MPRIP: variants seen among roughly 807,000 people sequenced by gnomAD.
The protein encoded by MPRIP is myosin phosphatase Rho-interacting protein.
In MPRIP, 59 loss-of-function variants were observed where a neutral mutation model predicts 234.9. The observed-to-expected ratio is 0.25, with a 90% CI of 0.20 to 0.31. The LOEUF is 0.31. Among genes scored for constraint, MPRIP ranks in the 10% least tolerant of loss-of-function variants. The pLI is 1.00. For missense variants in MPRIP, 2,436 were observed against 3,071.0 expected (o/e 0.79, Z 4.89); for synonymous variants, 1,144 against 1,263.9 (o/e 0.91, Z 2.01).
intron 16 of MPRIP, 136 bp from the exon 17 acceptor site, chr17:17,171,582 A>T: frequency 8.9e-7 from 1 of 1,128,056 alleles, no homozygotes; most frequent in Non-Finnish European, 1.3e-6. Context: ...CAGGGCGCCC[A>T]TGGTGGAGCA....
intron 3 of MPRIP, among the ~76,000 whole-genome samples, chr17:17,108,886 C>A (rs1011784957): frequency 6.6e-6 from 1 of 152,222 alleles, no homozygotes; most frequent in African/African-American, 2.4e-5. Flanking sequence ...ACTTGGAGAC[C>A]AGGCAAGCTG....
At position 17,165,964 on chromosome 17, in the gene MPRIP, T is replaced by C; in HGVS notation, c.4373T>C (p.Val1458Ala). The C allele has an allele frequency of 7.7e-7, 1 of 1,303,978 alleles. No individual in the cohort carries two copies. Among genetic ancestry groups the C allele is most frequent in the South Asian group, 1.2e-5 (1 of 80,990 alleles). The allele number at this position is 1,303,978 out of a possible 1,614,324, so 80.8% of individuals were successfully genotyped here. A position where few individuals can be genotyped will look rare whatever the true frequency, so the allele number is the denominator to read the frequency against. Reference sequence around the variant, plus strand: ...GAGAGGCAGGAGAGGGCCAGGAGGGTTGAAGGGCATGTTGGAGAGCTTGGG... The same window carrying C: ...GAGAGGCAGGAGAGGGCCAGGAGGGCTGAAGGGCATGTTGGAGAGCTTGGG... Reference protein sequence around the residue: ...EQERQERARRVEGHVGELGDF... With the variant: ...EQERQERARRAEGHVGELGDF... Residue 1458 changes from valine to alanine, a missense_variant, in exon 16 of 24, where the codon GTT becomes GCT. Around this residue, in one of 4 missense-constraint regions of MPRIP, gnomAD observed 1,998 missense variants for 2,520.3 expected, o/e 0.79. Coordinates refer to ENST00000651222, the MANE Select transcript of MPRIP (RefSeq NM_001364716.4).
At chr17:17,180,739 C>T in intron 23 of MPRIP, 1 of 1,446,616 alleles carries the variant, frequency 6.9e-7, no homozygotes, top group Non-Finnish European at 9.7e-7. Context: ...GTCATGGTTA[C>T]TTTATTTCAA....
intron 3 of MPRIP, among the ~76,000 whole-genome samples, chr17:17,079,149 C>T (rs958178801): frequency 3.3e-5 from 5 of 152,126 alleles, no homozygotes; most frequent in African/African-American, 1.2e-4. Context: ...TGTTTGTACT[C>T]GAGTCCTAAC....
chr17:17,104,521 T>A (rs1024176001), intron 3 of MPRIP, among the ~76,000 whole-genome samples: 17 of 152,152 alleles, frequency 1.1e-4, no homozygotes, highest in Non-Finnish European at 1.8e-4. Context: ...TCCCGACCAG[T>A]CCACGGCTGT....
chr17:17,083,414 G>A lies in MPRIP; in HGVS notation c.267+5338G>A, dbSNP rs78660394. On this transcript the variant is annotated intron_variant, in intron 3 of 23. Transcript: ENST00000651222. Reference sequence around the variant, plus strand: ...TTTTGAGTTTGCTTCCTATAGGAGAGTGTCCAGGAGGTTGCCTTGTTCTTG... The same window carrying A: ...TTTTGAGTTTGCTTCCTATAGGAGAATGTCCAGGAGGTTGCCTTGTTCTTG... Among the ~76,000 whole-genome samples, 906 of 152,268 alleles carry A rather than the reference G, an allele frequency of 6.0e-3. 11 individuals are homozygous for A. Among genetic ancestry groups the A allele is most frequent in the African/African-American group, 0.021 (857 of 41,544 alleles).
chr17:17,142,243 G>T, intron 7 of MPRIP: 1 of 181,810 alleles, frequency 5.5e-6, no homozygotes, highest in Non-Finnish European at 1.2e-5. Context: ...TTGGGGTGGG[G>T]GGTGCACTGT....
intron 1 of MPRIP, among the ~76,000 whole-genome samples, chr17:17,048,982 C>T (rs1347442830): frequency 6.6e-6 from 1 of 152,220 alleles, no homozygotes; most frequent in Non-Finnish European, 1.5e-5. Context: ...TGTATCCATA[C>T]CATGGAATAT....
chr17:17,177,773 G>A (rs113600177), intron 22 of MPRIP, among the ~76,000 whole-genome samples: 21 of 152,286 alleles, frequency 1.4e-4, no homozygotes, highest in African/African-American at 5.1e-4. Flanking sequence ...GCCATAGAGT[G>A]GAGAATGGGA....
intron 3 of MPRIP, among the ~76,000 whole-genome samples, chr17:17,081,861 G>A (rs1044893762): frequency 2.6e-5 from 4 of 152,160 alleles, no homozygotes; most frequent in African/African-American, 9.7e-5. Flanking sequence ...GTGTGGAGGA[G>A]AGGCAAATTT....
chr17:17,185,322 A>T lies in MPRIP; in HGVS notation c.*428A>T. On this transcript the variant is annotated 3_prime_UTR_variant, in exon 24 of 24. Transcript: ENST00000651222. Reference sequence around the variant, plus strand: ...ATCCCCACTGGTCAGAGAAAAAGCTATGCGGACACTCCAGCTTGGCCTGGG... The same window carrying T: ...ATCCCCACTGGTCAGAGAAAAAGCTTTGCGGACACTCCAGCTTGGCCTGGG... 1 of 358,540 alleles carries T rather than the reference A, an allele frequency of 2.8e-6. No homozygotes were observed. Among genetic ancestry groups the T allele is most frequent in the Non-Finnish European group, 5.5e-6 (1 of 182,152 alleles). The allele number at this position is 358,540 out of a possible 1,614,324, so 22.2% of individuals were successfully genotyped here.
chr17:17,147,445 C>G, intron 11 of MPRIP, 58 bp downstream of exon 11: 2 of 1,515,950 alleles, frequency 1.3e-6, no homozygotes, highest in Non-Finnish European at 1.8e-6. Flanking sequence ...CAGGCGGCAT[C>G]TGGGGCTAGT....
At chr17:17,107,827 C>T (rs111970266) in intron 3 of MPRIP, among the ~76,000 whole-genome samples, 18 of 152,322 alleles carry the variant, frequency 1.2e-4, no homozygotes, top group African/African-American at 4.3e-4. Context: ...TTTGGGCTTC[C>T]AGCTTGCATG....
chr17:17,049,916 C>T (rs2088479768), intron 1 of MPRIP, among the ~76,000 whole-genome samples: 1 of 152,230 alleles, frequency 6.6e-6, no homozygotes, highest in Admixed American at 6.5e-5. Context: ...GGGCCGGGTG[C>T]AGTGGCTCAC....
At chr17:17,172,455 CA>C (rs923997119) in intron 17 of MPRIP, among the ~76,000 whole-genome samples, 4 of 150,872 alleles carry the variant, frequency 2.7e-5, no homozygotes, top group Admixed American at 6.6e-5. Context: ...CTTCTAACAC[CA>C]AAAAAAAAGC....
At chr17:17,104,118 C>T (rs1028074288) in intron 3 of MPRIP, among the ~76,000 whole-genome samples, 2 of 152,172 alleles carry the variant, frequency 1.3e-5, no homozygotes, top group African/African-American at 4.8e-5. Context: ...TGCTCGTAAA[C>T]ACTCTCAGTT....
intron 3 of MPRIP, among the ~76,000 whole-genome samples, chr17:17,115,445 C>T (rs904902234): frequency 7.9e-5 from 12 of 152,158 alleles, no homozygotes; most frequent in Admixed American, 6.6e-5. Context: ...GGCAGGGAGG[C>T]GAGCTCTTTC....
At chr17:17,178,286 A>G (rs1293282828) in intron 22 of MPRIP, 1 of 152,194 alleles carries the variant, frequency 6.6e-6, no homozygotes, top group African/African-American at 2.4e-5. Context: ...ACAAACAGGA[A>G]AAGATGTGCT....
At chr17:17,095,414 C>T (rs954170777) in intron 3 of MPRIP, among the ~76,000 whole-genome samples, 3 of 152,152 alleles carry the variant, frequency 2.0e-5, no homozygotes, top group East Asian at 3.8e-4. Flanking sequence ...AATGTCCGCA[C>T]GTACGAGCCC....
Sources: gnomAD v4.1 joint callset for allele counts (sites outside exome capture counted in the v4.1 genomes callset) on GRCh38, gnomAD v4.1.1 for gene constraint, gnomAD v4.1.1 regional missense constraint, MANE v1.5 for transcripts, NCBI Gene and HGNC (gene_info 2026-07-23, HGNC 2026-07-21) for gene names.